The following ZNF438 variants were observed in gnomAD, a reference collection of about 807,000 sequenced individuals.
The protein encoded by ZNF438 is zinc finger protein 438.
A neutral mutation model predicts 38.0 loss-of-function variants in ZNF438; 25 were observed. The observed-to-expected ratio is 0.66, with a 90% CI of 0.48 to 0.92. The LOEUF is 0.92. Among genes scored for constraint, ZNF438 ranks in the 40% least tolerant of loss-of-function variants. The probability of loss-of-function intolerance (pLI) is 0.00; values close to 1 mark genes in which losing one functional copy is unlikely to be tolerated. For synonymous variants in ZNF438, 372 were observed against 364.1 expected (o/e 1.02, Z -0.25); for missense variants, 1,007 against 999.6 (o/e 1.01, Z -0.10).
intron 2 of ZNF438, among the ~76,000 whole-genome samples, chr10:30,937,032 A>G (rs2046332403): frequency 6.6e-6 from 1 of 152,166 alleles, no homozygotes; most frequent in African/African-American, 2.4e-5. Flanking sequence ...TTGGACCAGA[A>G]GCAAAAGAAC....
intron 1 of ZNF438, among the ~76,000 whole-genome samples, chr10:31,014,269 C>T (rs2055992042): frequency 2.0e-5 from 3 of 152,164 alleles, no homozygotes; most frequent in African/African-American, 7.2e-5. Context: ...AACTGGGTGG[C>T]TTAAACAACA....
intron 1 of ZNF438, among the ~76,000 whole-genome samples, chr10:31,015,077 A>G (rs2056077941): frequency 6.6e-6 from 1 of 152,168 alleles, no homozygotes; most frequent in African/African-American, 2.4e-5. Context: ...TACCCAGATT[A>G]GTCTTGAACA....
At chr10:30,987,667 G>GAT (rs2052990603) in intron 1 of ZNF438, among the ~76,000 whole-genome samples, 1 of 148,570 alleles carries the variant, frequency 6.7e-6, no homozygotes. Context: ...AAAAGAAACA[G>GAT]ATCTCTCTCT....
chr10:31,022,647 C>T (rs2056680046), intron 1 of ZNF438, among the ~76,000 whole-genome samples: 1 of 152,158 alleles, frequency 6.6e-6, no homozygotes, highest in Non-Finnish European at 1.5e-5. Context: ...AACTGCAACA[C>T]CTGCAGCCAG....
intron 2 of ZNF438, among the ~76,000 whole-genome samples, chr10:30,913,396 C>T (rs1025393157): frequency 1.3e-5 from 2 of 151,968 alleles, no homozygotes; most frequent in African/African-American, 2.4e-5. Flanking sequence ...GGGTCTTTGC[C>T]CATGCCCTTT....
At chr10:30,903,141 C>A (rs1564612439) in intron 3 of ZNF438, among the ~76,000 whole-genome samples, 1 of 152,216 alleles carries the variant, frequency 6.6e-6, no homozygotes, top group African/African-American at 2.4e-5. Flanking sequence ...AGCTGGCCCA[C>A]AAGCGCTGCA....
intron 1 of ZNF438, among the ~76,000 whole-genome samples, chr10:30,949,353 A>G (rs2047868994): frequency 6.6e-6 from 1 of 152,226 alleles, no homozygotes; most frequent in South Asian, 2.1e-4. Flanking sequence ...TAACGAGCAA[A>G]ATAACCAGCT....
At chr10:30,971,443 A>G (rs1165544456) in intron 1 of ZNF438, among the ~76,000 whole-genome samples, 2 of 152,196 alleles carry the variant, frequency 1.3e-5, no homozygotes, top group Non-Finnish European at 2.9e-5. Flanking sequence ...TTAGAAGACA[A>G]TTTGGAAGAA....
chr10:30,953,618 C>A (rs1209351157), intron 1 of ZNF438, among the ~76,000 whole-genome samples: 1 of 148,880 alleles, frequency 6.7e-6, no homozygotes, highest in Non-Finnish European at 1.5e-5. Context: ...CACATGTACC[C>A]TAAAACTTAA....
intron 4 of ZNF438, among the ~76,000 whole-genome samples, chr10:30,854,261 C>T (rs2034218238): frequency 1.3e-5 from 2 of 152,158 alleles, no homozygotes; most frequent in Non-Finnish European, 2.9e-5. Flanking sequence ...TTGCAGTGAG[C>T]CGAAATAGCG....
chr10:30,950,783 G>T (rs1260079069), intron 1 of ZNF438, among the ~76,000 whole-genome samples: 2 of 118,134 alleles, frequency 1.7e-5, no homozygotes, highest in East Asian at 4.1e-4. Context: ...AAGAGTCCAG[G>T]ACCAGATGGA....
intron 2 of ZNF438, among the ~76,000 whole-genome samples, chr10:30,930,084 G>A (rs1589249801): frequency 6.6e-6 from 1 of 151,928 alleles, no homozygotes; most frequent in East Asian, 1.9e-4. Flanking sequence ...CAGTTGATGG[G>A]AGCAGGTGCC....
chr10:30,914,996 G>A (rs1016072614), intron 2 of ZNF438, among the ~76,000 whole-genome samples: 1 of 151,962 alleles, frequency 6.6e-6, no homozygotes, highest in African/African-American at 2.4e-5. Flanking sequence ...TGTTTAGGCA[G>A]CTGGTCTTTT....
At chr10:30,880,901 C>A (rs1281417838) in intron 3 of ZNF438, among the ~76,000 whole-genome samples, 1 of 151,552 alleles carries the variant, frequency 6.6e-6, no homozygotes, top group East Asian at 1.9e-4. Flanking sequence ...TAAACAGACA[C>A]AAAAATTGTA....
intron 1 of ZNF438, among the ~76,000 whole-genome samples, chr10:30,960,942 A>G (rs1649774477): frequency 6.8e-6 from 1 of 146,544 alleles, no homozygotes; most frequent in African/African-American, 2.4e-5. Flanking sequence ...CACATCAACA[A>G]ACATTTACTG....
At chr10:30,888,320 C>T (rs1039845742) in intron 3 of ZNF438, among the ~76,000 whole-genome samples, 5 of 120,024 alleles carry the variant, frequency 4.2e-5, no homozygotes, top group Non-Finnish European at 7.1e-5. Flanking sequence ...ACCTTCAGGC[C>T]CACTTTAGTT....
At chr10:30,855,538 C>T (rs2034469383) in intron 4 of ZNF438, among the ~76,000 whole-genome samples, 1 of 152,166 alleles carries the variant, frequency 6.6e-6, no homozygotes, top group Admixed American at 6.6e-5. Context: ...AATCCAATTT[C>T]TCAGAATCAT....
intron 4 of ZNF438, among the ~76,000 whole-genome samples, chr10:30,869,487 T>C (rs2037036844): frequency 6.6e-6 from 1 of 151,758 alleles, no homozygotes; most frequent in Non-Finnish European, 1.5e-5. Context: ...CTCTAATATT[T>C]TATTTCAACT....
chr10:30,979,652 G>A (rs1231757153), intron 1 of ZNF438, among the ~76,000 whole-genome samples: 1 of 152,124 alleles, frequency 6.6e-6, no homozygotes, highest in African/African-American at 2.4e-5. Flanking sequence ...GGACTTCTTG[G>A]TCCAGAGCTG....
Sources: gnomAD v4.1 joint callset for allele counts (sites outside exome capture counted in the v4.1 genomes callset) on GRCh38, gnomAD v4.1.1 for gene constraint, MANE v1.5 for transcripts, NCBI Gene and HGNC (gene_info 2026-07-23, HGNC 2026-07-21) for gene names.